VANGL1: variants seen among roughly 807,000 people sequenced by gnomAD.
The protein encoded by VANGL1 is vang-like protein 1.
In VANGL1, 18 loss-of-function variants were observed where a neutral mutation model predicts 48.4. The observed-to-expected ratio is 0.37, with a 90% confidence interval of 0.26 to 0.55. The LOEUF (loss-of-function observed/expected upper bound fraction) is 0.55. Among genes scored for constraint, VANGL1 ranks in the 20% least tolerant of loss-of-function variants. The pLI, the probability that VANGL1 is intolerant of heterozygous loss-of-function variation, is 0.81. For missense variants in VANGL1, 667 were observed against 675.8 expected, an observed-to-expected ratio of 0.99 and a Z score of 0.14; for synonymous variants, 257 against 261.8, an observed-to-expected ratio of 0.98 and a Z score of 0.18.
intron 1 of VANGL1, among the ~76,000 whole-genome samples, chr1:115,648,708 C>G (rs1652030483): frequency 6.6e-6 from 1 of 152,168 alleles, no homozygotes; most frequent in Non-Finnish European, 1.5e-5. Context: ...TGGATAAGCT[C>G]AGAGAGGCAA....
rs1282540735 is a variant in VANGL1, at chr1:115,684,170, A to G, written c.1079+94A>G. The G allele has an allele frequency of 3.2e-6, 4 of 1,249,746 alleles. No individual in the cohort carries two copies. The African/African-American group carries it at 4.8e-5, about 15-fold the overall frequency. 77.4% of individuals were successfully genotyped at this position (1,249,746 alleles called of 1,614,324 possible). On this transcript the variant is annotated intron_variant, in intron 6 of 7. Transcript: ENST00000355485. ...TTTATTTATTTAGAGACAGAATCTCACTCTGTTGCCCAGGCTGGAGTGCAG... is the reference window on the plus strand; with the variant it reads ...TTTATTTATTTAGAGACAGAATCTCGCTCTGTTGCCCAGGCTGGAGTGCAG...
At chr1:115,656,563 T>G (rs1652362708) in intron 2 of VANGL1, among the ~76,000 whole-genome samples, 1 of 152,244 alleles carries the variant, frequency 6.6e-6, no homozygotes, top group East Asian at 1.9e-4. Flanking sequence ...TTTTAAAGTT[T>G]AAGACACACT....
At chr1:115,669,400 G>A (rs958091838) in intron 4 of VANGL1, among the ~76,000 whole-genome samples, 2 of 152,174 alleles carry the variant, frequency 1.3e-5, no homozygotes, top group African/African-American at 4.8e-5. Context: ...AGAGAGAGTA[G>A]CTTATAAATT....
intron 1 of VANGL1, among the ~76,000 whole-genome samples, chr1:115,644,766 T>G (rs1244705441): frequency 6.6e-6 from 1 of 152,166 alleles, no homozygotes; most frequent in Non-Finnish European, 1.5e-5. Context: ...ACTCCAGACA[T>G]GTTAACGATT....
intron 7 of VANGL1, among the ~76,000 whole-genome samples, chr1:115,690,820 C>T (rs1349523265): frequency 6.6e-6 from 1 of 152,214 alleles, no homozygotes; most frequent in Non-Finnish European, 1.5e-5. Context: ...GCCATGACGG[C>T]TTCCAGCCAG....
At position 115,663,669 on chromosome 1, in the gene VANGL1, C is replaced by A. The variant is rs755570799; in HGVS notation, c.213C>A (p.Asn71Lys). The stretch of plus-strand genomic sequence containing the variant: ...TGTCTTCTCCCCACCAGGATGACAA[C>A]TGGGGAGAGACCACCACGGCCATCA... ...STRTEEVQDD[N>K]WGETTTAITG... Residue 71 changes from asparagine (N) to lysine (K), a missense_variant, in exon 4 of 8, where the codon AAC becomes AAA. Transcript: ENST00000355485. 3 of 1,614,038 alleles carry A rather than the reference C, an allele frequency of 1.9e-6. No homozygotes were observed. The East Asian group carries it at 6.7e-5, about 36-fold the overall frequency.
intron 2 of VANGL1, among the ~76,000 whole-genome samples, chr1:115,652,070 T>C (rs1018184886): frequency 1.3e-5 from 2 of 152,200 alleles, no homozygotes; most frequent in East Asian, 1.9e-4. Flanking sequence ...AAATGGAAGA[T>C]TTAAAAAGTG....
At chr1:115,672,666 A>G (rs530363206) in intron 4 of VANGL1, among the ~76,000 whole-genome samples, 41 of 152,328 alleles carry the variant, frequency 2.7e-4, no homozygotes, top group African/African-American at 8.9e-4. Flanking sequence ...GTCCTTCTCA[A>G]GTTCCAAGGT....
chr1:115,649,683 G>A (rs2101300379), intron 1 of VANGL1, among the ~76,000 whole-genome samples: 1 of 152,298 alleles, frequency 6.6e-6, no homozygotes, highest in East Asian at 1.9e-4. Context: ...TGTTCAAAGA[G>A]GTTTACTAAT....
chr1:115,666,019 G>A (rs538584678), intron 4 of VANGL1, among the ~76,000 whole-genome samples: 149 of 152,320 alleles, frequency 9.8e-4, no homozygotes, highest in Non-Finnish European at 1.7e-3. Context: ...ATTTCAGATT[G>A]TGGCAGCAAT....
At chr1:115,648,487 G>A (rs1652017894) in intron 1 of VANGL1, among the ~76,000 whole-genome samples, 1 of 152,146 alleles carries the variant, frequency 6.6e-6, no homozygotes, top group South Asian at 2.1e-4. Context: ...TGGGACCCAT[G>A]GTTTCCTTTG....
At chr1:115,667,175 G>A (rs186933693) in intron 4 of VANGL1, among the ~76,000 whole-genome samples, 7 of 152,314 alleles carry the variant, frequency 4.6e-5, no homozygotes, top group Admixed American at 4.6e-4. Context: ...GGTGCCAAGC[G>A]ATGGTGAGTT....
chr1:115,680,873 C>G (rs1186058486), intron 4 of VANGL1, among the ~76,000 whole-genome samples: 7 of 152,202 alleles, frequency 4.6e-5, no homozygotes, highest in Admixed American at 3.3e-4. Flanking sequence ...TCCTGGTGCT[C>G]TGGCTACTGC....
At chr1:115,680,007 G>A (rs1254962363) in intron 4 of VANGL1, among the ~76,000 whole-genome samples, 7 of 95,402 alleles carry the variant, frequency 7.3e-5, no homozygotes, top group African/African-American at 2.6e-4. Context: ...GTGTGTGTGT[G>A]TGTGTGTGTG....
At chr1:115,689,348 C>T (rs1302761751) in intron 7 of VANGL1, among the ~76,000 whole-genome samples, 1 of 135,722 alleles carries the variant, frequency 7.4e-6, no homozygotes, top group Non-Finnish European at 1.6e-5. Flanking sequence ...AAGAGGATAC[C>T]GGGCCGGGCG....
intron 4 of VANGL1, among the ~76,000 whole-genome samples, chr1:115,680,022 T>A (rs879743891): frequency 0.023 from 671 of 29,398 alleles, 3 homozygotes; most frequent in Non-Finnish European, 0.028. Flanking sequence ...TGTGTGTGTG[T>A]ATGTGAGAGA....
At chr1:115,662,034 GT>G (rs1570748437) in intron 3 of VANGL1, among the ~76,000 whole-genome samples, 2 of 152,326 alleles carry the variant, frequency 1.3e-5, no homozygotes, top group East Asian at 3.9e-4. Context: ...CAGAGGCACT[GT>G]ACCACGGTCC....
rs1325813046 is a variant in VANGL1, at chr1:115,693,043, A to AAAGT, written c.*1667_*1670dup. 7 of 152,268 alleles carry AAAGT rather than the reference A, an allele frequency of 4.6e-5. No homozygotes were observed. Among genetic ancestry groups the AAAGT allele is most frequent in the Admixed American group, 4.6e-4 (7 of 15,286 alleles). 9.4% of individuals were successfully genotyped at this position (152,268 alleles called of 1,614,324 possible). ...TCTTTGTAATACACCTGTACCTGAA[A>AAAGT]AAGTAAACAACATTCTTCAATTACT... On this transcript the variant is annotated 3_prime_UTR_variant, in exon 8 of 8. Transcript: ENST00000355485.
At chr1:115,679,665 C>T (rs1408743544) in intron 4 of VANGL1, among the ~76,000 whole-genome samples, 1 of 152,242 alleles carries the variant, frequency 6.6e-6, no homozygotes, top group Non-Finnish European at 1.5e-5. Context: ...TCCCTTGACC[C>T]CTCCTTGCAG....
Sources: allele counts gnomAD v4.1 joint callset (sites outside exome capture counted in the v4.1 genomes callset), GRCh38; gene constraint gnomAD v4.1.1; transcripts MANE v1.5; gene names NCBI Gene and HGNC (gene_info 2026-07-23, HGNC 2026-07-21).